The following LSM12 variants were observed in gnomAD, a reference collection of about 807,000 sequenced individuals.
LSM12 encodes the protein protein LSM12.
For synonymous variants in LSM12, 74 were observed against 87.3 expected, an observed-to-expected ratio of 0.85 and a Z score of 0.85; for missense variants, 108 against 238.9, an observed-to-expected ratio of 0.45 and a Z score of 3.61.
chr17:44,054,238 A>ACC (rs1007173047), intron 2 of LSM12, among the ~76,000 whole-genome samples: 6 of 152,186 alleles, frequency 3.9e-5, no homozygotes, highest in African/African-American at 1.4e-4. Flanking sequence ...GCAGCACTGT[A>ACC]CCCCCATCAT....
intron 2 of LSM12, among the ~76,000 whole-genome samples, chr17:44,046,878 C>G (rs1390948421): frequency 6.7e-6 from 1 of 149,814 alleles, no homozygotes; most frequent in African/African-American, 2.5e-5. Flanking sequence ...TTACAGGCGC[C>G]CGCCACCACG....
At chr17:44,046,635 A>C (rs1056971217) in intron 2 of LSM12, among the ~76,000 whole-genome samples, 1 of 133,964 alleles carries the variant, frequency 7.5e-6, no homozygotes, top group Admixed American at 8.0e-5. Context: ...TGAACTCAGG[A>C]GGCGGAGCTT....
chr17:44,040,770 C>G (rs1296741875), intron 2 of LSM12, among the ~76,000 whole-genome samples: 1 of 146,864 alleles, frequency 6.8e-6, no homozygotes, highest in Non-Finnish European at 1.5e-5. Flanking sequence ...GTCAGGAGGT[C>G]AAGACCAGCC....
In LSM12 at chr17:44,066,660, C is replaced by T; in HGVS notation, c.-73G>A. 1 of 1,265,534 alleles carries T rather than the reference C, an allele frequency of 7.9e-7. No homozygotes were observed. Among genetic ancestry groups the T allele is most frequent in the African/African-American group, 1.6e-5 (1 of 63,754 alleles). The allele number at this position is 1,265,534 out of a possible 1,614,324, so 78.4% of individuals were successfully genotyped here. A position where few individuals can be genotyped will look rare whatever the true frequency, so the allele number is the denominator to read the frequency against. ...AAAGCCGGGCCCCCAGTGAGCGCCGCGACGCGACGGCGCGCACGGAGCGTG... is the reference window on the plus strand; with the variant it reads ...AAAGCCGGGCCCCCAGTGAGCGCCGTGACGCGACGGCGCGCACGGAGCGTG... On this transcript the variant is annotated 5_prime_UTR_variant, in exon 1 of 5. Transcript: ENST00000293406.
At chr17:44,059,046 G>A (rs1026110866) in intron 2 of LSM12, among the ~76,000 whole-genome samples, 2 of 152,214 alleles carry the variant, frequency 1.3e-5, no homozygotes, top group African/African-American at 4.8e-5. Flanking sequence ...GGAGATTGTA[G>A]TCCCAGCTAC....
intron 1 of LSM12, 73 bp downstream of exon 1, chr17:44,066,391 C>CCGT (rs1412834317): frequency 1.3e-6 from 2 of 1,492,394 alleles, no homozygotes; most frequent in Non-Finnish European, 8.9e-7. Flanking sequence ...CCAGCCGCCG[C>CCGT]CGTCGTCCCC....
chr17:44,042,622 T>A (rs1258754920), intron 2 of LSM12, among the ~76,000 whole-genome samples: 2 of 51,008 alleles, frequency 3.9e-5, no homozygotes, highest in Non-Finnish European at 8.3e-5. Context: ...TGGAGTGCAG[T>A]GGCGCAAGCT....
rs146541777 is a variant in LSM12, at chr17:44,040,340, G to C, written c.259-84C>G. The stretch of plus-strand genomic sequence containing the variant: ...GTCAGGACCTAAGCTGAAGAAAGGA[G>C]GCCAGGAAAGACTTGTTTGGACAGA... On this transcript the variant is annotated intron_variant, in intron 2 of 4. Coordinates refer to ENST00000293406, the MANE Select transcript of LSM12 (RefSeq NM_001371445.1). 4.6e-4 allele frequency: 461 copies of C among 998,746 alleles called. No homozygotes were observed. The African/African-American group carries it at 6.3e-3, about 14-fold the overall frequency. 61.9% of individuals were successfully genotyped at this position (998,746 alleles called of 1,614,324 possible).
intron 3 of LSM12, among the ~76,000 whole-genome samples, chr17:44,038,369 A>C (rs1004610906): frequency 6.6e-6 from 1 of 151,654 alleles, no homozygotes; most frequent in Non-Finnish European, 1.5e-5. Context: ...AAAAAAAAAA[A>C]AAAAGAAAGG....
In LSM12 at chr17:44,065,586, T is replaced by C. The variant is rs938286984; in HGVS notation, c.124+878A>G. ...GTTTCATTTCCAAGACTGAGTTTCC[T>C]GGAGTAATTCAGAAGTCACTTCCAC... On this transcript the variant is annotated intron_variant, in intron 1 of 4. Coordinates refer to ENST00000293406, the MANE Select transcript of LSM12 (RefSeq NM_001371445.1). 3.9e-5 allele frequency among the ~76,000 whole-genome samples: 6 copies of C among 152,184 alleles called. No homozygotes were observed. In the East Asian group the frequency reaches 9.6e-4, roughly 24 times the overall value.
At chr17:44,054,764 T>C (rs2049689478) in intron 2 of LSM12, among the ~76,000 whole-genome samples, 1 of 152,168 alleles carries the variant, frequency 6.6e-6, no homozygotes, top group Non-Finnish European at 1.5e-5. Context: ...AACAGCTATC[T>C]GCTCAAAGCC....
chr17:44,066,851 AC>A (rs1338908157), upstream of LSM12: 4 of 283,960 alleles, frequency 1.4e-5, no homozygotes, highest in East Asian at 2.6e-4. Flanking sequence ...TAAATGACCT[AC>A]GTGGAATGAA....
chr17:44,051,410 A>AT (rs2049642557), intron 2 of LSM12, among the ~76,000 whole-genome samples: 1 of 99,870 alleles, frequency 1.0e-5, no homozygotes, highest in South Asian at 4.0e-4. Flanking sequence ...AAAAAAAAAA[A>AT]AAAAAATTAG....
chr17:44,046,320 G>T (rs1040917583), intron 2 of LSM12, among the ~76,000 whole-genome samples: 4 of 152,080 alleles, frequency 2.6e-5, no homozygotes, highest in African/African-American at 9.7e-5. Flanking sequence ...CTTTTGTTAG[G>T]TAGATAACTA....
chr17:44,045,494 G>A (rs1055413751), intron 2 of LSM12, among the ~76,000 whole-genome samples: 4 of 152,160 alleles, frequency 2.6e-5, no homozygotes, highest in African/African-American at 7.2e-5. Flanking sequence ...ATTCCACTAT[G>A]AGGATACAGT....
intron 2 of LSM12, among the ~76,000 whole-genome samples, chr17:44,046,038 G>A (rs1273732458): frequency 6.9e-6 from 1 of 145,774 alleles, no homozygotes; most frequent in East Asian, 2.1e-4. Flanking sequence ...CTGGGTTCAC[G>A]CCATTCTCCT....
intron 3 of LSM12, among the ~76,000 whole-genome samples, chr17:44,039,365 CTT>C (rs35411238): frequency 1.1e-3 from 54 of 51,074 alleles, no homozygotes; most frequent in African/African-American, 1.2e-3. Flanking sequence ...AACAAAATGT[CTT>C]TTTTTTTTTT....
chr17:44,048,236 C>T (rs1445936480), intron 2 of LSM12, among the ~76,000 whole-genome samples: 1 of 152,064 alleles, frequency 6.6e-6, no homozygotes, highest in African/African-American at 2.4e-5. Flanking sequence ...AATCCCAGCA[C>T]TTTGGGAGGC....
intron 2 of LSM12, among the ~76,000 whole-genome samples, chr17:44,061,782 C>T (rs2049798569): frequency 6.6e-6 from 1 of 152,164 alleles, no homozygotes; most frequent in Non-Finnish European, 1.5e-5. Flanking sequence ...ATGAAAAGCA[C>T]CTGCTACTAA....
Sources: allele counts gnomAD v4.1 joint callset (sites outside exome capture counted in the v4.1 genomes callset), GRCh38; gene constraint gnomAD v4.1.1; transcripts MANE v1.5; gene names NCBI Gene and HGNC (gene_info 2026-07-23, HGNC 2026-07-21).